The following DPP4 variants were observed in gnomAD, a reference collection of about 807,000 sequenced individuals.
DPP4 encodes the protein dipeptidyl peptidase 4.
Under a neutral mutation model 122.4 loss-of-function variants are expected in DPP4, and 93 were observed. The observed-to-expected ratio is 0.76, with a 90% CI of 0.64 to 0.90. The LOEUF (loss-of-function observed/expected upper bound fraction) is 0.90, where lower values mean the gene tolerates loss of function less well. Ranked by LOEUF, DPP4 falls within the 40% of genes least tolerant of loss-of-function variation. The pLI, the probability that DPP4 is intolerant of heterozygous loss-of-function variation, is 0.00. For missense variants in DPP4, 914 were observed against 907.3 expected (o/e 1.01, Z -0.09); for synonymous variants, 321 against 302.9 (o/e 1.06, Z -0.62).
chr2:162,048,338 T>A (rs1358934818), intron 2 of DPP4, among the ~76,000 whole-genome samples: 2 of 152,248 alleles, frequency 1.3e-5, no homozygotes, highest in African/African-American at 4.8e-5. Context: ...TTTCTGGGTA[T>A]CCCTGACATT....
At chr2:162,013,351 C>T (rs1682780591) in intron 19 of DPP4, among the ~76,000 whole-genome samples, 2 of 152,096 alleles carry the variant, frequency 1.3e-5, no homozygotes, top group Admixed American at 6.5e-5. Context: ...AATGAATTGA[C>T]TTCATTTGTT....
chr2:162,032,960 G>C (rs760765125), intron 10 of DPP4, among the ~76,000 whole-genome samples: 1 of 152,202 alleles, frequency 6.6e-6, no homozygotes, highest in East Asian at 1.9e-4. Context: ...GCCTTACAAG[G>C]CTCTTTGGGA....
intron 20 of DPP4, 23 bp downstream of exon 20, chr2:162,011,770 G>T: frequency 6.2e-7 from 1 of 1,607,762 alleles, no homozygotes; most frequent in South Asian, 1.1e-5. Flanking sequence ...GATGACCTTT[G>T]ACTTCATCTC....
chr2:162,054,550 G>A (rs1310298526), intron 2 of DPP4, among the ~76,000 whole-genome samples: 1 of 152,084 alleles, frequency 6.6e-6, no homozygotes, highest in African/African-American at 2.4e-5. Context: ...ATTAAGAGGT[G>A]GAACCATTTG....
intron 19 of DPP4, among the ~76,000 whole-genome samples, chr2:162,013,478 CA>C (rs1341723219): frequency 2.0e-5 from 3 of 152,014 alleles, no homozygotes; most frequent in Non-Finnish European, 4.4e-5. Flanking sequence ...TATAGTGGAT[CA>C]AAGCTGTGTC....
intron 2 of DPP4, among the ~76,000 whole-genome samples, chr2:162,054,331 CCTAATTTAGGTAAAAA>C (rs1395262389): frequency 1.3e-5 from 2 of 152,124 alleles, no homozygotes; most frequent in African/African-American, 4.8e-5. Flanking sequence ...TTGGGTTTCA[CCTAATTTAGGTAAAAA>C]CTAATTTAGA....
intron 23 of DPP4, among the ~76,000 whole-genome samples, chr2:162,001,721 T>C (rs141729318): frequency 9.1e-4 from 139 of 152,296 alleles, no homozygotes; most frequent in African/African-American, 3.2e-3. Flanking sequence ...TGTCTGCTGA[T>C]TGACATTGGT....
At chr2:162,039,322 G>A (rs373451133) in intron 5 of DPP4, 138 bp from the exon 6 acceptor site, 14 of 780,376 alleles carry the variant, frequency 1.8e-5, no homozygotes, top group East Asian at 5.4e-5. Flanking sequence ...AATTTCCTCC[G>A]AGAATTTTGG....
intron 20 of DPP4, among the ~76,000 whole-genome samples, chr2:162,009,711 GA>G (rs1057127080): frequency 2.0e-5 from 3 of 152,106 alleles, no homozygotes; most frequent in Middle Eastern, 3.2e-3. Flanking sequence ...ATAAGGGCAT[GA>G]AAAACTTCTG....
chr2:162,028,086 G>T (rs1381738773), intron 10 of DPP4, among the ~76,000 whole-genome samples: 1 of 151,770 alleles, frequency 6.6e-6, no homozygotes. Flanking sequence ...AAACTGCCAG[G>T]TGCAGTGACT....
intron 20 of DPP4, among the ~76,000 whole-genome samples, chr2:162,009,579 A>C (rs1458285735): frequency 6.7e-6 from 1 of 149,304 alleles, no homozygotes; most frequent in African/African-American, 2.5e-5. Flanking sequence ...AAATCCTGGC[A>C]GTTTTTTTCA....
chr2:162,004,692 CTT>C (rs1423675195), intron 23 of DPP4, among the ~76,000 whole-genome samples: 1 of 152,032 alleles, frequency 6.6e-6, no homozygotes, highest in Non-Finnish European at 1.5e-5. Flanking sequence ...AAACTAGAAA[CTT>C]TTGAGTTTTA....
At chr2:162,042,940 G>C (rs1386282642) in intron 5 of DPP4, among the ~76,000 whole-genome samples, 1 of 152,310 alleles carries the variant, frequency 6.6e-6, no homozygotes, top group East Asian at 1.9e-4. Flanking sequence ...GACAATGTTT[G>C]ACAAAGTGAC....
At position 161,995,011 on chromosome 2, in the gene DPP4, C is replaced by T; in HGVS notation, c.2149G>A (p.Ala717Thr). 6.2e-7 allele frequency: 1 copy of T among 1,613,964 alleles called. No individual in the cohort carries two copies. Among genetic ancestry groups the T allele is most frequent in the Non-Finnish European group, 8.5e-7 (1 of 1,179,964 alleles). ...TCGACCAGGGCTTTGGAGATCTGAG[C>T]TGACTGCTGAAAGTGAACGTTATCT... The part of the protein sequence containing the change: ...ADDNVHFQQS[A>T]QISKALVDVG... The change falls in exon 25 of 26, where the codon GCT becomes ACT. Residue 717 changes from alanine (A) to threonine (T), a missense_variant. Ala to Thr is a moderately conservative substitution (Grantham distance 58). Coordinates refer to ENST00000360534, the MANE Select transcript of DPP4 (RefSeq NM_001935.4).
At chr2:162,049,995 G>A (rs1684327711) in intron 2 of DPP4, among the ~76,000 whole-genome samples, 1 of 152,020 alleles carries the variant, frequency 6.6e-6, no homozygotes, top group South Asian at 2.1e-4. Context: ...AAAGTTAGTA[G>A]GAGATTTGTG....
At chr2:162,028,389 A>T (rs925431647) in intron 10 of DPP4, among the ~76,000 whole-genome samples, 1 of 152,186 alleles carries the variant, frequency 6.6e-6, no homozygotes, top group Non-Finnish European at 1.5e-5. Context: ...CCAATGGCTC[A>T]ATTGTACTTT....
intron 2 of DPP4, among the ~76,000 whole-genome samples, chr2:162,048,596 A>C (rs1482762601): frequency 6.6e-6 from 1 of 152,062 alleles, no homozygotes; most frequent in Non-Finnish European, 1.5e-5. Flanking sequence ...AACCCAGAAG[A>C]TCTTGGGCTT....
At chr2:162,067,123 G>A (rs1684974540) in intron 2 of DPP4, among the ~76,000 whole-genome samples, 1 of 30,644 alleles carries the variant, frequency 3.3e-5, no homozygotes, top group Non-Finnish European at 7.7e-5. Context: ...CCCTGAAGAG[G>A]TTTTAAATCT....
chr2:162,065,992 G>A (rs1029792479), intron 2 of DPP4, among the ~76,000 whole-genome samples: 2 of 152,132 alleles, frequency 1.3e-5, no homozygotes, highest in African/African-American at 2.4e-5. Flanking sequence ...CAACAAATCT[G>A]TGCTGGGTGA....
Sources: allele counts gnomAD v4.1 joint callset (sites outside exome capture counted in the v4.1 genomes callset), GRCh38; gene constraint gnomAD v4.1.1; transcripts MANE v1.5; gene names NCBI Gene and HGNC (gene_info 2026-07-23, HGNC 2026-07-21).